The following RAB11FIP4 variants were observed in gnomAD, a reference collection of about 807,000 sequenced individuals.
RAB11FIP4 encodes the protein rab11 family-interacting protein 4.
In RAB11FIP4, 23 loss-of-function variants were observed where a neutral mutation model predicts 74.3. The observed-to-expected ratio is 0.31, with a 90% confidence interval of 0.22 to 0.44. The LOEUF is 0.44. RAB11FIP4 is among the 20% of genes least tolerant of loss of function. The pLI, the probability that RAB11FIP4 is intolerant of heterozygous loss-of-function variation, is 1.00. For synonymous variants in RAB11FIP4, 360 were observed against 359.9 expected, an observed-to-expected ratio of 1.00 and a Z score of 0.00; for missense variants, 630 against 863.9, an observed-to-expected ratio of 0.73 and a Z score of 3.39.
intron 1 of RAB11FIP4, among the ~76,000 whole-genome samples, chr17:31,420,704 A>C (rs1030832983): frequency 4.6e-5 from 7 of 150,562 alleles, no homozygotes; most frequent in Non-Finnish European, 5.9e-5. Flanking sequence ...TATCTTTATT[A>C]TTTCTTTCCT....
chr17:31,447,420 G>A (rs2071477821), intron 3 of RAB11FIP4, among the ~76,000 whole-genome samples: 1 of 152,258 alleles, frequency 6.6e-6, no homozygotes, highest in African/African-American at 2.4e-5. Context: ...AGCCGTTTGT[G>A]CGACAGCACT....
At chr17:31,463,227 GC>G (rs1431320935) in intron 3 of RAB11FIP4, among the ~76,000 whole-genome samples, 2 of 152,188 alleles carry the variant, frequency 1.3e-5, no homozygotes, top group African/African-American at 4.8e-5. Context: ...CTGGGTTTGA[GC>G]CCCAGCCCTG....
At chr17:31,477,319 C>T (rs1041473611) in intron 3 of RAB11FIP4, among the ~76,000 whole-genome samples, 8 of 152,178 alleles carry the variant, frequency 5.3e-5, no homozygotes, top group South Asian at 4.1e-4. Flanking sequence ...AGCAACCACA[C>T]GACTGTGAGG....
intron 1 of RAB11FIP4, among the ~76,000 whole-genome samples, chr17:31,411,145 C>G (rs2071090254): frequency 6.6e-6 from 1 of 152,130 alleles, no homozygotes; most frequent in Non-Finnish European, 1.5e-5. Context: ...GGGTGGATTC[C>G]AAGGTCAACA....
rs1548471 is a variant in RAB11FIP4, at chr17:31,535,981, A to G, written c.*4249A>G. 50,105 of 140,046 alleles carry G rather than the reference A, an allele frequency of 0.36. 8,430 individuals are homozygous for G. The highest frequency in any genetic ancestry group is 0.45 in the Middle Eastern group (115 of 258). The allele number at this position is 140,046 out of a possible 1,614,324, so 8.7% of individuals were successfully genotyped here. A position where few individuals can be genotyped will look rare whatever the true frequency, so the allele number is the denominator to read the frequency against. ...TCCCTGTTAGCCAAACCAGCATCCT[A>G]CTCACACACCGGACACTCCAGGTGC... On this transcript the variant is annotated 3_prime_UTR_variant, in exon 15 of 15. Transcript: ENST00000621161.
intron 3 of RAB11FIP4, among the ~76,000 whole-genome samples, chr17:31,475,525 C>T (rs1370564155): frequency 6.6e-6 from 1 of 152,246 alleles, no homozygotes; most frequent in Non-Finnish European, 1.5e-5. Flanking sequence ...CCCTGTGACA[C>T]AGATACAGTT....
chr17:31,435,699 G>A (rs917832225), intron 3 of RAB11FIP4, among the ~76,000 whole-genome samples: 1 of 152,210 alleles, frequency 6.6e-6, no homozygotes, highest in East Asian at 1.9e-4. Flanking sequence ...GTGGGGTCAG[G>A]GTTAGGTTCC....
At chr17:31,453,187 C>CA (rs1191447727) in intron 3 of RAB11FIP4, among the ~76,000 whole-genome samples, 1 of 151,672 alleles carries the variant, frequency 6.6e-6, no homozygotes, top group Admixed American at 6.6e-5. Context: ...CCCATATCTA[C>CA]AAAAAAATTA....
intron 3 of RAB11FIP4, among the ~76,000 whole-genome samples, chr17:31,499,216 A>G (rs1045426830): frequency 6.6e-6 from 1 of 151,620 alleles, no homozygotes; most frequent in African/African-American, 2.4e-5. Flanking sequence ...AAATTAGGGA[A>G]CTCCTGATTT....
At chr17:31,522,440 GC>G in intron 7 of RAB11FIP4, 45 bp downstream of exon 7, 2 of 1,592,172 alleles carry the variant, frequency 1.3e-6, no homozygotes, top group Non-Finnish European at 1.7e-6. Context: ...CTGTCCCCAT[GC>G]TGCCCACTGG....
intron 1 of RAB11FIP4, among the ~76,000 whole-genome samples, chr17:31,423,001 G>A (rs1053106483): frequency 6.8e-6 from 1 of 146,652 alleles, no homozygotes; most frequent in Non-Finnish European, 1.5e-5. Flanking sequence ...CTCACTGCAA[G>A]CTCTGCTTCC....
chr17:31,517,314 T>C lies in RAB11FIP4; in HGVS notation c.337-337T>C, dbSNP rs139307333. Among the ~76,000 whole-genome samples the C allele has an allele frequency of 8.4e-3, 1,269 of 151,844 alleles. 15 individuals are homozygous for C. The highest frequency in any genetic ancestry group is 0.029 in the African/African-American group (1,210 of 41,408). On this transcript the variant is annotated intron_variant, in intron 3 of 14. Transcript: ENST00000621161. ...AGGAAGTCAGTGTGAATCAGCCTTA[T>C]GTTCCCTGCCTCCAGACCCTATTCT...
intron 3 of RAB11FIP4, among the ~76,000 whole-genome samples, chr17:31,505,647 ATAATAT>A (rs2072331171): frequency 9.4e-6 from 1 of 105,922 alleles, no homozygotes; most frequent in Non-Finnish European, 1.8e-5. Context: ...ATAATTATAT[ATAATAT>A]ATAATAATTA....
Position 31,404,725 on chromosome 17 carries a change from G to T in RAB11FIP4, c.159+12714G>T, listed in dbSNP as rs1597899161. ...AGTAAGATAGGATTCCTTCCCTGCG[G>T]TGGGGGCGGGGGACTGACATGGAAA... On this transcript the variant is annotated intron_variant, in intron 1 of 14. Transcript: ENST00000621161. Among the ~76,000 whole-genome samples the T allele has an allele frequency of 2.0e-5, 3 of 152,194 alleles. No homozygotes were observed. In the East Asian group the frequency reaches 5.8e-4, roughly 29 times the overall value.
chr17:31,457,807 T>G (rs2071593331), intron 3 of RAB11FIP4, among the ~76,000 whole-genome samples: 1 of 152,022 alleles, frequency 6.6e-6, no homozygotes, highest in African/African-American at 2.4e-5. Flanking sequence ...TCTGTCTGCA[T>G]GTGTGCCTCC....
At chr17:31,499,111 T>C (rs529371487) in intron 3 of RAB11FIP4, among the ~76,000 whole-genome samples, 103 of 152,230 alleles carry the variant, frequency 6.8e-4, no homozygotes, top group Non-Finnish European at 1.2e-3. Context: ...TCCATGCTTT[T>C]CTTGGGGGAA....
intron 1 of RAB11FIP4, among the ~76,000 whole-genome samples, chr17:31,426,476 A>T (rs1215705466): frequency 6.6e-6 from 1 of 151,296 alleles, no homozygotes; most frequent in Non-Finnish European, 1.5e-5. Flanking sequence ...TTCTCCACAT[A>T]AATGATGCTG....
intron 2 of RAB11FIP4, among the ~76,000 whole-genome samples, chr17:31,433,470 C>T (rs1187889308): frequency 6.6e-6 from 1 of 152,260 alleles, no homozygotes; most frequent in Non-Finnish European, 1.5e-5. Flanking sequence ...GCAGGCTGCA[C>T]CTGCCATGTG....
chr17:31,414,104 T>C (rs1289570218), intron 1 of RAB11FIP4, among the ~76,000 whole-genome samples: 3 of 152,186 alleles, frequency 2.0e-5, no homozygotes, highest in Non-Finnish European at 4.4e-5. Flanking sequence ...GAGGCAATGA[T>C]GTTGCTCAGG....
Sources: gnomAD v4.1 joint callset for allele counts (sites outside exome capture counted in the v4.1 genomes callset) on GRCh38, gnomAD v4.1.1 for gene constraint, MANE v1.5 for transcripts, NCBI Gene and HGNC (gene_info 2026-07-23, HGNC 2026-07-21) for gene names.